Variants in KCNH5 observed in about 807,000 individuals in gnomAD.
KCNH5 encodes potassium voltage-gated channel subfamily H member 5, also known as voltage-gated delayed rectifier potassium channel KCNH5.
In KCNH5, 46 loss-of-function variants were observed where a neutral mutation model predicts 96.1. That is an observed-to-expected ratio of 0.48 (90% CI 0.38 to 0.61). The LOEUF (loss-of-function observed/expected upper bound fraction) is 0.61. Among genes scored for constraint, KCNH5 ranks in the 20% least tolerant of loss-of-function variants. The pLI is 0.00. For synonymous variants in KCNH5, 439 were observed against 449.8 expected (o/e 0.98, Z 0.30); for missense variants, 907 against 1,225.8 (o/e 0.74, Z 3.88).
chr14:62,959,344 A>G lies in KCNH5; in HGVS notation c.943-8785T>C, dbSNP rs139265598. On this transcript the variant is annotated intron_variant, in intron 6 of 10. Coordinates refer to ENST00000322893, the MANE Select transcript of KCNH5 (RefSeq NM_139318.5). ...ATAAATATTTCAGGGTATGTCTCTA[A>G]AAGACAACATATTTTTTAATTCAAC... 1.9e-3 allele frequency among the ~76,000 whole-genome samples: 284 copies of G among 152,192 alleles called. 2 individuals carry two copies. The highest frequency in any genetic ancestry group is 6.7e-3 in the African/African-American group (278 of 41,530).
intron 10 of KCNH5, among the ~76,000 whole-genome samples, chr14:62,735,589 G>A (rs1885139079): frequency 6.6e-6 from 1 of 151,996 alleles, no homozygotes; most frequent in Admixed American, 6.6e-5. Context: ...ATAATAGGCG[G>A]TACTCCACCT....
At chr14:62,869,408 G>C (rs1322113868) in intron 7 of KCNH5, among the ~76,000 whole-genome samples, 3 of 150,996 alleles carry the variant, frequency 2.0e-5, no homozygotes, top group African/African-American at 7.3e-5. Context: ...ATCTGTTTAA[G>C]TTCTTTGTAG....
intron 1 of KCNH5, among the ~76,000 whole-genome samples, chr14:63,028,806 T>C (rs1381293223): frequency 6.6e-6 from 1 of 152,188 alleles, no homozygotes; most frequent in Non-Finnish European, 1.5e-5. Context: ...TCAAAATATC[T>C]ACATTTTAAC....
chr14:62,921,226 C>T (rs969276548), intron 7 of KCNH5, among the ~76,000 whole-genome samples: 3 of 152,044 alleles, frequency 2.0e-5, no homozygotes, highest in Admixed American at 2.0e-4. Context: ...GAATGGGAGG[C>T]TTCGTTTTTC....
intron 7 of KCNH5, among the ~76,000 whole-genome samples, chr14:62,929,610 A>G (rs1298402704): frequency 6.6e-6 from 1 of 152,038 alleles, no homozygotes; most frequent in African/African-American, 2.4e-5. Context: ...GAGGACATAG[A>G]CTTTAATTAT....
At chr14:62,856,733 T>C (rs1158993337) in intron 7 of KCNH5, among the ~76,000 whole-genome samples, 1 of 152,064 alleles carries the variant, frequency 6.6e-6, no homozygotes, top group East Asian at 1.9e-4. Context: ...GTGACCCATA[T>C]ATGTAGGCAC....
At chr14:63,017,583 G>C (rs1048641697) in intron 1 of KCNH5, among the ~76,000 whole-genome samples, 6 of 151,606 alleles carry the variant, frequency 4.0e-5, no homozygotes, top group Non-Finnish European at 5.9e-5. Context: ...ATTTTACACA[G>C]AAAAGTAGGT....
chr14:62,920,364 T>C (rs1889356960), intron 7 of KCNH5, among the ~76,000 whole-genome samples: 1 of 151,858 alleles, frequency 6.6e-6, no homozygotes, highest in Admixed American at 6.6e-5. Context: ...CTGAGAACAA[T>C]AAAAAAATGG....
rs1400810613 is a variant in KCNH5, at chr14:62,948,736, TG to T, written c.1369+1396del. 2.0e-5 allele frequency among the ~76,000 whole-genome samples: 3 copies of T among 150,806 alleles called. No individual in the cohort carries two copies. The East Asian group carries it at 5.8e-4, about 29-fold the overall frequency. ...GAGAATTTTAGACCAATATCCTTGA[TG>T]AACATTGATGCAAAAATCCTCAATA... On this transcript the variant is annotated intron_variant, in intron 7 of 10. Transcript: ENST00000322893.
intron 7 of KCNH5, among the ~76,000 whole-genome samples, chr14:62,853,462 T>TATATATATATATATC (rs1555360147): frequency 8.3e-6 from 1 of 121,174 alleles, no homozygotes; most frequent in African/African-American, 3.2e-5. Flanking sequence ...TAATCATATA[T>TATATATATATATATC]ATATATATAT....
chr14:62,788,304 G>T lies in KCNH5; in HGVS notation c.1823-8380C>A, dbSNP rs549912724. Among the ~76,000 whole-genome samples, 36 of 152,306 alleles carry T rather than the reference G, an allele frequency of 2.4e-4. No homozygotes were observed. In the South Asian group the frequency reaches 7.0e-3, roughly 30 times the overall value. On this transcript the variant is annotated intron_variant, in intron 9 of 10. Transcript: ENST00000322893. Reference sequence around the variant, plus strand: ...AACGGCAAGACAATTAGAATTAGAAGTGGAGCCTGAAAATGTGGATGACTT... The same window carrying T: ...AACGGCAAGACAATTAGAATTAGAATTGGAGCCTGAAAATGTGGATGACTT...
In KCNH5 at chr14:63,044,654, T is replaced by G. The variant is rs532494899; in HGVS notation, c.73+460A>C. Among the ~76,000 whole-genome samples the G allele has an allele frequency of 2.0e-5, 3 of 152,326 alleles. No individual in the cohort carries two copies. The South Asian group carries it at 6.2e-4, about 32-fold the overall frequency. On this transcript the variant is annotated intron_variant, in intron 1 of 10. Coordinates refer to ENST00000322893, the MANE Select transcript of KCNH5 (RefSeq NM_139318.5). ...CCGTGACCACGAGGGCCAAAAGCCT[T>G]TCCAGAGATTTAAATCTTGTTAAGT...
At chr14:62,721,671 C>G (rs1884820803) in intron 10 of KCNH5, among the ~76,000 whole-genome samples, 1 of 151,870 alleles carries the variant, frequency 6.6e-6, no homozygotes, top group African/African-American at 2.4e-5. Flanking sequence ...TCCCTCCTAC[C>G]TAGTCTAATT....
intron 7 of KCNH5, among the ~76,000 whole-genome samples, chr14:62,901,881 C>T (rs150732216): frequency 4.9e-4 from 74 of 152,314 alleles, no homozygotes; most frequent in Middle Eastern, 3.4e-3. Context: ...TGCAACCTCA[C>T]CAGCATCTAT....
chr14:62,758,137 C>T (rs1335659446), intron 10 of KCNH5, among the ~76,000 whole-genome samples: 1 of 137,678 alleles, frequency 7.3e-6, no homozygotes. Flanking sequence ...GAGCGAGACT[C>T]CATCTCAAAA....
At chr14:62,853,086 G>A (rs919849653) in intron 7 of KCNH5, among the ~76,000 whole-genome samples, 1 of 152,120 alleles carries the variant, frequency 6.6e-6, no homozygotes, top group African/African-American at 2.4e-5. Flanking sequence ...ATACCTAGTT[G>A]CTCAGATCAA....
intron 10 of KCNH5, among the ~76,000 whole-genome samples, chr14:62,740,863 C>G (rs181865367): frequency 6.6e-6 from 1 of 152,104 alleles, no homozygotes; most frequent in Non-Finnish European, 1.5e-5. Context: ...TGATTAGCTT[C>G]GAGCAGCAAT....
At chr14:63,005,874 T>C (rs1283457941) in intron 3 of KCNH5, among the ~76,000 whole-genome samples, 1 of 152,194 alleles carries the variant, frequency 6.6e-6, no homozygotes, top group Non-Finnish European at 1.5e-5. Context: ...CAACGACTAC[T>C]TCTACTAGGC....
intron 7 of KCNH5, among the ~76,000 whole-genome samples, chr14:62,873,752 G>A (rs1432869560): frequency 1.3e-5 from 2 of 152,104 alleles, no homozygotes; most frequent in East Asian, 3.8e-4. Context: ...GAACAAAGTG[G>A]TCTAGAAATA....
Sources: allele counts gnomAD v4.1 joint callset (sites outside exome capture counted in the v4.1 genomes callset), GRCh38; gene constraint gnomAD v4.1.1; transcripts MANE v1.5; gene names NCBI Gene and HGNC (gene_info 2026-07-23, HGNC 2026-07-21).